The following NEGR1 variants were observed in gnomAD, a reference collection of about 807,000 sequenced individuals.
NEGR1 encodes the protein IgLON family member 4.
Under a neutral mutation model 40.9 loss-of-function variants are expected in NEGR1, and 10 were observed. The observed-to-expected ratio is 0.24, with a 90% CI of 0.15 to 0.42. NEGR1 has a LOEUF of 0.42. NEGR1 is among the 10% of genes least tolerant of loss of function. The pLI, the probability that NEGR1 is intolerant of heterozygous loss-of-function variation, is 1.00. For synonymous variants in NEGR1, 185 were observed against 166.8 expected, an observed-to-expected ratio of 1.11 and a Z score of -0.84; for missense variants, 352 against 438.9, an observed-to-expected ratio of 0.80 and a Z score of 1.77.
Position 71,941,350 on chromosome 1 carries a change from C to T in NEGR1, c.177-6039G>A, listed in dbSNP as rs1442041994. On this transcript the variant is annotated intron_variant, in intron 1 of 6. Transcript: ENST00000357731. ...TCTCCCCTACCTTTGTTTTTTAGGGCACTCTCTTCTTGATATCTTTCATGA... is the reference window on the plus strand; with the variant it reads ...TCTCCCCTACCTTTGTTTTTTAGGGTACTCTCTTCTTGATATCTTTCATGA... Among the ~76,000 whole-genome samples the T allele has an allele frequency of 3.3e-5, 5 of 151,990 alleles. No individual in the cohort carries two copies. The East Asian group carries it at 5.8e-4, about 18-fold the overall frequency.
intron 1 of NEGR1, among the ~76,000 whole-genome samples, chr1:72,073,625 C>T (rs1647573589): frequency 6.6e-6 from 1 of 152,030 alleles, no homozygotes; most frequent in South Asian, 2.1e-4. Context: ...TTCAATGCTA[C>T]ATATATACTT....
chr1:72,203,836 A>G (rs535496761), intron 1 of NEGR1, among the ~76,000 whole-genome samples: 3 of 152,246 alleles, frequency 2.0e-5, no homozygotes, highest in Non-Finnish European at 2.9e-5. Context: ...CCTCCAACAG[A>G]AAAACGATTA....
At chr1:71,534,293 G>T (rs935476769) in intron 6 of NEGR1, among the ~76,000 whole-genome samples, 1 of 151,608 alleles carries the variant, frequency 6.6e-6, no homozygotes, top group Non-Finnish European at 1.5e-5. Context: ...CTATTGGTTT[G>T]AATAATAAAA....
chr1:71,694,026 G>A (rs991762723), intron 4 of NEGR1, among the ~76,000 whole-genome samples: 9 of 151,352 alleles, frequency 5.9e-5, no homozygotes, highest in East Asian at 1.9e-4. Flanking sequence ...TTTTTCCTGC[G>A]TCCTGTTTTT....
At chr1:71,749,991 T>TC (rs1215640496) in intron 3 of NEGR1, among the ~76,000 whole-genome samples, 5 of 147,816 alleles carry the variant, frequency 3.4e-5, no homozygotes, top group Admixed American at 3.3e-4. Context: ...CTCCTTTCTT[T>TC]TTTTTTTTTT....
At chr1:72,220,657 C>T (rs879759644) in intron 1 of NEGR1, among the ~76,000 whole-genome samples, 22 of 151,662 alleles carry the variant, frequency 1.5e-4, no homozygotes, top group Admixed American at 5.3e-4. Flanking sequence ...TTCAACATTC[C>T]TGTAACAGAA....
At chr1:71,658,837 A>T (rs1016267767) in intron 4 of NEGR1, among the ~76,000 whole-genome samples, 38 of 152,214 alleles carry the variant, frequency 2.5e-4, no homozygotes, top group African/African-American at 9.2e-4. Flanking sequence ...ACAGTTATGT[A>T]AAAACATTAT....
At chr1:72,113,545 T>C (rs947614538) in intron 1 of NEGR1, among the ~76,000 whole-genome samples, 1 of 151,692 alleles carries the variant, frequency 6.6e-6, no homozygotes, top group African/African-American at 2.4e-5. Context: ...TGTGTGTGTG[T>C]TTAGAAAAGG....
intron 6 of NEGR1, among the ~76,000 whole-genome samples, chr1:71,425,258 T>C (rs1646421568): frequency 6.6e-6 from 1 of 152,156 alleles, no homozygotes; most frequent in South Asian, 2.1e-4. Flanking sequence ...GAAGAGGTAG[T>C]AGGCAAGGCC....
chr1:71,609,500 C>G (rs1051321360), intron 5 of NEGR1, among the ~76,000 whole-genome samples: 8 of 66,724 alleles, frequency 1.2e-4, no homozygotes, highest in Admixed American at 7.7e-4. Context: ...GGGCGACAAA[C>G]CAAGACTCCG....
At chr1:71,638,528 C>T (rs1468892704) in intron 4 of NEGR1, among the ~76,000 whole-genome samples, 1 of 152,188 alleles carries the variant, frequency 6.6e-6, no homozygotes, top group African/African-American at 2.4e-5. Context: ...AAGATGTGAG[C>T]TGCACAGTGA....
chr1:71,428,512 A>G (rs186728732), intron 6 of NEGR1, among the ~76,000 whole-genome samples: 212 of 152,240 alleles, frequency 1.4e-3, no homozygotes, highest in Middle Eastern at 6.8e-3. Flanking sequence ...GCGTAGCTGA[A>G]AGATAATGAA....
At chr1:71,826,264 C>G (rs974946120) in intron 2 of NEGR1, among the ~76,000 whole-genome samples, 6 of 151,916 alleles carry the variant, frequency 3.9e-5, no homozygotes, top group Admixed American at 2.6e-4. Context: ...TATTTTTCAA[C>G]TATGAATCTA....
intron 2 of NEGR1, among the ~76,000 whole-genome samples, chr1:71,875,792 G>A (rs796728138): frequency 1.3e-5 from 2 of 152,168 alleles, no homozygotes; most frequent in African/African-American, 2.4e-5. Flanking sequence ...AAATATCCAA[G>A]CTAACTAGGA....
intron 1 of NEGR1, among the ~76,000 whole-genome samples, chr1:71,982,180 T>TC (rs1444250895): frequency 5.9e-5 from 9 of 152,326 alleles, no homozygotes; most frequent in Non-Finnish European, 1.2e-4. Context: ...CTCTCTTTTT[T>TC]TCAGACTTTA....
intron 6 of NEGR1, among the ~76,000 whole-genome samples, chr1:71,528,846 T>C (rs1647278465): frequency 6.6e-6 from 1 of 151,222 alleles, no homozygotes; most frequent in Non-Finnish European, 1.5e-5. Flanking sequence ...ACTAGATTGT[T>C]TCATAGACTT....
chr1:71,770,248 T>A (rs768413660), intron 3 of NEGR1, among the ~76,000 whole-genome samples: 4 of 152,346 alleles, frequency 2.6e-5, no homozygotes, highest in Non-Finnish European at 5.9e-5. Context: ...CTCTTTATTT[T>A]CCTTGAGATA....
At chr1:71,586,282 G>A (rs79009107) in intron 6 of NEGR1, among the ~76,000 whole-genome samples, 10,615 of 152,136 alleles carry the variant, frequency 0.07, 491 homozygotes, top group Middle Eastern at 0.13. Context: ...GAAAAAACTG[G>A]TTTAGACAAG....
intron 1 of NEGR1, among the ~76,000 whole-genome samples, chr1:72,081,774 G>C (rs1648008386): frequency 6.6e-6 from 1 of 152,044 alleles, no homozygotes; most frequent in Non-Finnish European, 1.5e-5. Context: ...CCTAAAAGCA[G>C]CTCGCTTGAT....
Sources: allele counts gnomAD v4.1 joint callset (sites outside exome capture counted in the v4.1 genomes callset), GRCh38; gene constraint gnomAD v4.1.1; transcripts MANE v1.5; gene names NCBI Gene and HGNC (gene_info 2026-07-23, HGNC 2026-07-21).